GLG1: variants seen among roughly 807,000 people sequenced by gnomAD.
GLG1 encodes golgi glycoprotein 1.
Under a neutral mutation model 160.5 loss-of-function variants are expected in GLG1, and 38 were observed. The ratio of observed to expected loss-of-function variants is 0.24; its 90% confidence interval spans 0.18 to 0.31. GLG1 has a LOEUF of 0.31. GLG1 is among the 10% of genes least tolerant of loss of function. GLG1 has a pLI of 1.00. For synonymous variants in GLG1, 644 were observed against 543.4 expected (o/e 1.19, Z -2.57); for missense variants, 1,373 against 1,505.2 (o/e 0.91, Z 1.45).
intron 25 of GLG1, among the ~76,000 whole-genome samples, chr16:74,455,620 C>T (rs966831506): frequency 6.6e-6 from 1 of 152,148 alleles, no homozygotes; most frequent in Non-Finnish European, 1.5e-5. Flanking sequence ...CTGATTGTTC[C>T]TCTTGACTTG....
chr16:74,553,345 C>T (rs1198433253), intron 1 of GLG1, among the ~76,000 whole-genome samples: 1 of 152,002 alleles, frequency 6.6e-6, no homozygotes, highest in Non-Finnish European at 1.5e-5. Context: ...CATGGGTGCA[C>T]ACCACCATGC....
intron 8 of GLG1, among the ~76,000 whole-genome samples, chr16:74,490,593 A>T (rs2015946483): frequency 6.6e-6 from 1 of 152,032 alleles, no homozygotes; most frequent in Non-Finnish European, 1.5e-5. Flanking sequence ...ATTCATATCA[A>T]CTCTTTTTCA....
intron 1 of GLG1, among the ~76,000 whole-genome samples, chr16:74,571,834 A>G (rs1220800543): frequency 6.6e-6 from 1 of 152,164 alleles, no homozygotes; most frequent in African/African-American, 2.4e-5. Context: ...AAAATACTAA[A>G]AAGATTAGAA....
At chr16:74,591,843 T>C (rs1025996402) in intron 1 of GLG1, among the ~76,000 whole-genome samples, 2 of 152,154 alleles carry the variant, frequency 1.3e-5, no homozygotes, top group African/African-American at 4.8e-5. Context: ...ATTTATCTGG[T>C]TTTATACAGG....
intron 13 of GLG1, among the ~76,000 whole-genome samples, chr16:74,473,588 C>T (rs11640632): frequency 0.68 from 102,574 of 151,246 alleles, 34,938 homozygotes; most frequent in East Asian, 0.81. Flanking sequence ...TACAGGCACC[C>T]GCCACCACAC....
At chr16:74,530,832 C>G (rs536555702) in intron 2 of GLG1, among the ~76,000 whole-genome samples, 1 of 152,168 alleles carries the variant, frequency 6.6e-6, no homozygotes, top group Non-Finnish European at 1.5e-5. Context: ...TGGATGACAA[C>G]AGTGCACTCA....
chr16:74,601,525 T>A (rs1677884440), intron 1 of GLG1, among the ~76,000 whole-genome samples: 1 of 152,314 alleles, frequency 6.6e-6, no homozygotes, highest in East Asian at 1.9e-4. Flanking sequence ...CTGACAGCTC[T>A]AGTCTCAGTT....
chr16:74,482,549 G>A (rs1407281520), intron 10 of GLG1, among the ~76,000 whole-genome samples: 1 of 151,882 alleles, frequency 6.6e-6, no homozygotes, highest in Non-Finnish European at 1.5e-5. Flanking sequence ...CAGAATGAGA[G>A]GGAAATTAGA....
intron 11 of GLG1, among the ~76,000 whole-genome samples, 180 bp downstream of exon 11, chr16:74,480,061 T>C (rs986551790): frequency 6.6e-6 from 1 of 152,090 alleles, no homozygotes; most frequent in African/African-American, 2.4e-5. Context: ...TGATAGAAGC[T>C]GGTAGGGCAA....
chr16:74,474,713 C>G, intron 12 of GLG1, 81 bp from the exon 13 acceptor site: 1 of 779,368 alleles, frequency 1.3e-6, no homozygotes, highest in Admixed American at 1.7e-5. Flanking sequence ...CGTCATGACA[C>G]TTCCCTTTTC....
rs2014341522 is a variant in GLG1, at chr16:74,452,239, G to A, written c.*928C>T. 1 of 1,527,472 alleles carries A rather than the reference G, an allele frequency of 6.5e-7. No homozygotes were observed. Among genetic ancestry groups the A allele is most frequent in the Non-Finnish European group, 8.8e-7 (1 of 1,137,994 alleles). The allele number at this position is 1,527,472 out of a possible 1,614,324, so 94.6% of individuals were successfully genotyped here. A position where few individuals can be genotyped will look rare whatever the true frequency, so the allele number is the denominator to read the frequency against. On this transcript the variant is annotated 3_prime_UTR_variant, in exon 26 of 26. Transcript: ENST00000422840. ...TCCCGCCACAGTCCTGCCTCCTGATGAAGCGCAGAGCTTCCAGAGTGACTG... is the reference window on the plus strand; with the variant it reads ...TCCCGCCACAGTCCTGCCTCCTGATAAAGCGCAGAGCTTCCAGAGTGACTG...
intron 23 of GLG1, 137 bp from the exon 24 acceptor site, chr16:74,458,131 G>C: frequency 1.4e-6 from 1 of 733,842 alleles, no homozygotes; most frequent in Non-Finnish European, 2.3e-6. Context: ...GGGACAGGTT[G>C]CAAGGTGGTG....
rs1053174794 is a variant in GLG1, at chr16:74,447,785, C to G, written c.*5382G>C. On this transcript the variant is annotated 3_prime_UTR_variant, in exon 26 of 26. Coordinates refer to ENST00000422840, the MANE Select transcript of GLG1 (RefSeq NM_001145667.2). ...CTCCCGCTGCCGGCTTTCCGGAGGT[C>G]TCTGCCCAGTGCACTGCAGGGGGAC... 3.3e-5 allele frequency: 5 copies of G among 152,348 alleles called. No individual in the cohort carries two copies. Among genetic ancestry groups the G allele is most frequent in the African/African-American group, 1.2e-4 (5 of 41,468 alleles). The allele number at this position is 152,348 out of a possible 1,614,324, so 9.4% of individuals were successfully genotyped here.
At position 74,527,953 on chromosome 16, in the gene GLG1, C is replaced by T. The variant is rs570022163; in HGVS notation, c.471+4168G>A. 3.3e-4 allele frequency among the ~76,000 whole-genome samples: 49 copies of T among 148,560 alleles called. 1 individual carries two copies. The South Asian group carries it at 9.2e-3, about 28-fold the overall frequency. On this transcript the variant is annotated intron_variant, in intron 2 of 25. Coordinates refer to ENST00000422840, the MANE Select transcript of GLG1 (RefSeq NM_001145667.2). The stretch of plus-strand genomic sequence containing the variant: ...AGGCTGAAGTGCAGTGGTGCAGTCT[C>T]GGCTCACTGCCAGCTCCACCTCCCA...
intron 1 of GLG1, among the ~76,000 whole-genome samples, chr16:74,592,929 G>T (rs896304328): frequency 6.6e-6 from 1 of 152,154 alleles, no homozygotes; most frequent in Non-Finnish European, 1.5e-5. Context: ...TAGGTCATGA[G>T]AGCACTGGTC....
intron 2 of GLG1, among the ~76,000 whole-genome samples, chr16:74,526,622 G>A (rs1382239399): frequency 6.6e-6 from 1 of 152,098 alleles, no homozygotes; most frequent in Non-Finnish European, 1.5e-5. Context: ...TACTCAGGAG[G>A]CTGAGGTGGG....
chr16:74,593,993 G>A (rs1219611272), intron 1 of GLG1, among the ~76,000 whole-genome samples: 2 of 151,310 alleles, frequency 1.3e-5, no homozygotes, highest in East Asian at 3.9e-4. Flanking sequence ...TGCAACCTCC[G>A]CCTCCCAGGT....
chr16:74,523,260 A>G (rs2017228794), intron 2 of GLG1, among the ~76,000 whole-genome samples: 2 of 152,172 alleles, frequency 1.3e-5, no homozygotes, highest in Non-Finnish European at 2.9e-5. Flanking sequence ...TTCAGAATGG[A>G]TTTTCCATGA....
At position 74,469,040 on chromosome 16, in the gene GLG1, C is replaced by G; in HGVS notation, c.2342G>C (p.Ser781Thr). The G allele has an allele frequency of 6.2e-7, 1 of 1,613,958 alleles. No individual in the cohort carries two copies. Among genetic ancestry groups the G allele is most frequent in the Non-Finnish European group, 8.5e-7 (1 of 1,179,784 alleles). The change falls in exon 17 of 26, where the codon AGC becomes ACC. Residue 781 changes from serine (S) to threonine (T), a missense_variant. Around this residue, in one of 4 missense-constraint regions of GLG1, gnomAD observed 491 missense variants for 632.1 expected, o/e 0.78. Coordinates refer to ENST00000422840, the MANE Select transcript of GLG1 (RefSeq NM_001145667.2). ...CAGAGTGTCATTGCGCACGGTCGTG[C>G]TCAGGCAGATCACCACGTCCACCCT... ...KKKVDVVICL[S>T]TTVRNDTLQE...
Sources: gnomAD v4.1 joint callset for allele counts (sites outside exome capture counted in the v4.1 genomes callset) on GRCh38, gnomAD v4.1.1 for gene constraint, gnomAD v4.1.1 regional missense constraint, MANE v1.5 for transcripts, NCBI Gene and HGNC (gene_info 2026-07-23, HGNC 2026-07-21) for gene names.